ZNF628: variants seen among roughly 807,000 people sequenced by gnomAD.
The protein encoded by ZNF628 is zinc finger protein Zec.
A neutral mutation model predicts 2.5 loss-of-function variants in ZNF628; 3 were observed. The observed-to-expected ratio is 1.19, with a 90% CI of 0.54 to 3.07. The LOEUF (loss-of-function observed/expected upper bound fraction) is 3.07, where lower values mean the gene tolerates loss of function less well. Among genes scored for constraint, ZNF628 ranks in the 30% most tolerant of loss-of-function variants. The pLI, the probability that ZNF628 is intolerant of heterozygous loss-of-function variation, is 0.03. For missense variants in ZNF628, 1,610 were observed against 1,517.1 expected (o/e 1.06, Z -1.02); for synonymous variants, 861 against 717.1 (o/e 1.20, Z -3.21).
Position 55,483,392 on chromosome 19 carries a change from T to G in ZNF628, c.2199T>G (p.Pro733=). 3 of 1,533,528 alleles carry G rather than the reference T, an allele frequency of 2.0e-6. No individual in the cohort carries two copies. The highest frequency in any genetic ancestry group is 2.6e-6 in the Non-Finnish European group (3 of 1,141,776). The allele number at this position is 1,533,528 out of a possible 1,614,324, so 95.0% of individuals were successfully genotyped here. A position where few individuals can be genotyped will look rare whatever the true frequency, so the allele number is the denominator to read the frequency against. Residue 733 remains proline, a synonymous_variant, in exon 3 of 3, where the codon CCT becomes CCG. Transcript: ENST00000598519. The stretch of plus-strand genomic sequence containing the variant: ...CCAGCAGCGTGCAGCCCCCTACACC[T>G]CCGCCCCCTCCCGCACCTCCCAAGC... ...LIPSSVQPPT[P]PPPPAPPKLI... is the part of the protein sequence containing the mutation.
rs1329441445 is a variant in ZNF628 at position 55,482,075 on chromosome 19, G to A, written c.882G>A (p.Val294=). Residue 294 remains valine, a synonymous_variant, in exon 3 of 3, where the codon GTG becomes GTA. Coordinates refer to ENST00000598519, the MANE Select transcript of ZNF628 (RefSeq NM_033113.3). The part of the protein sequence containing the change: ...LAAAETTVEL[V]YRCDGCEQGF... The stretch of plus-strand genomic sequence containing the variant: ...CGGCGGAGACCACGGTGGAGCTGGT[G>A]TACCGCTGCGATGGCTGCGAGCAGG... 1.7e-5 allele frequency: 26 copies of A among 1,507,024 alleles called. No individual in the cohort carries two copies. Among genetic ancestry groups the A allele is most frequent in the Non-Finnish European group, 2.1e-5 (24 of 1,129,716 alleles). The allele number at this position is 1,507,024 out of a possible 1,614,324, so 93.4% of individuals were successfully genotyped here. A position where few individuals can be genotyped will look rare whatever the true frequency, so the allele number is the denominator to read the frequency against.
rs1419678406 is a variant in ZNF628, at chr19:55,481,309, G to A, written c.116G>A (p.Gly39Glu). The A allele has an allele frequency of 2.5e-6, 4 of 1,610,302 alleles. No individual in the cohort carries two copies. Among genetic ancestry groups the A allele is most frequent in the Non-Finnish European group, 3.4e-6 (4 of 1,178,990 alleles). The change falls in exon 3 of 3, where the codon GGG becomes GAG. Residue 39 changes from glycine (G) to glutamate (E), a missense_variant. Physicochemically the swap from Gly to Glu is moderately conservative, Grantham distance 98. Around this residue, in one of 5 missense-constraint regions of ZNF628, gnomAD observed 166 missense variants for 241.3 expected, o/e 0.69. Transcript: ENST00000598519. ...APAPAAQYEC[G>E]ECGKSFRWSS... ...GCCCCGGCGGCCCAGTACGAATGTG[G>A]GGAGTGTGGCAAGTCATTCCGGTGG...
At position 55,484,174 on chromosome 19, in the gene ZNF628, G is replaced by C. The variant is rs868731923; in HGVS notation, c.2981G>C (p.Gly994Ala). 4 of 1,557,908 alleles carry C rather than the reference G, an allele frequency of 2.6e-6. No individual in the cohort carries two copies. Among genetic ancestry groups the C allele is most frequent in the Non-Finnish European group, 3.5e-6 (4 of 1,152,098 alleles). ...ELLDSSNTGGGTATLQLLAPP... is the reference protein window; with the variant it reads ...ELLDSSNTGGATATLQLLAPP... ...CTGGACAGCAGCAACACTGGAGGAG[G>C]CACCGCCACGCTGCAGCTCCTGGCC... Residue 994 changes from glycine to alanine, a missense_variant, in exon 3 of 3, where the codon GGC becomes GCC. Gly to Ala is a moderately conservative substitution (Grantham distance 60). This residue lies in a region of ZNF628 where 712 missense variants were observed against 603.6 expected (regional missense o/e 1.18). Transcript: ENST00000598519.
At position 55,482,479 on chromosome 19, in the gene ZNF628, C is replaced by G. The variant is rs1441288637; in HGVS notation, c.1286C>G (p.Pro429Arg). 7.0e-7 allele frequency: 1 copy of G among 1,438,804 alleles called. No homozygotes were observed. Among genetic ancestry groups the G allele is most frequent in the South Asian group, 1.4e-5 (1 of 69,872 alleles). The allele number at this position is 1,438,804 out of a possible 1,614,324, so 89.1% of individuals were successfully genotyped here. A position where few individuals can be genotyped will look rare whatever the true frequency, so the allele number is the denominator to read the frequency against. ...GCTGAGGCTGCGGAGGTGACCTGCC[C>G]CCAGGAACCGCTGGCGCCTGCCGCC... is the stretch of plus-strand genomic sequence containing the variant. Reference protein sequence around the residue: ...PQAEAAEVTCPQEPLAPAAPV... With the variant: ...PQAEAAEVTCRQEPLAPAAPV... The change falls in exon 3 of 3, where the codon CCC (proline) becomes CGC (arginine). Residue 429 changes from proline (P) to arginine (R), a missense_variant. Transcript: ENST00000598519.
intron 2 of ZNF628, among the ~76,000 whole-genome samples, 154 bp downstream of exon 2, chr19:55,480,071 G>C (rs1292709771): frequency 3.3e-5 from 5 of 152,004 alleles, no homozygotes; most frequent in South Asian, 4.2e-4. Flanking sequence ...CGTTTGTGCA[G>C]GGTCGGGCAG....
Position 55,481,692 on chromosome 19 carries a change from C to A in ZNF628, c.499C>A (p.Arg167Ser). 1 of 1,613,174 alleles carries A rather than the reference C, an allele frequency of 6.2e-7. No homozygotes were observed. Among genetic ancestry groups the A allele is most frequent in the Non-Finnish European group, 8.5e-7 (1 of 1,179,608 alleles). The change falls in exon 3 of 3, where the codon CGC becomes AGC. Residue 167 changes from arginine (R) to serine (S), a missense_variant. Transcript: ENST00000598519. ...GAACTCGTCCAGCCTGCGGCGCCACCGCCACGTGCACACCGGCGAGCGGCC... is the reference window on the plus strand; with the variant it reads ...GAACTCGTCCAGCCTGCGGCGCCACAGCCACGTGCACACCGGCGAGCGGCC... Reference protein sequence around the residue: ...FKNSSSLRRHRHVHTGERPYT... With the variant: ...FKNSSSLRRHSHVHTGERPYT...
chr19:55,481,942 T>C lies in ZNF628; in HGVS notation c.749T>C (p.Phe250Ser). ...CAGTCCCGGGAGCCCGGCAAGGTCT[T>C]CGTGTGCGACGCCTACCTGCAGCGG... ...PPQSREPGKV[F>S]VCDAYLQRHL... is the part of the protein sequence containing the mutation. Residue 250 changes from phenylalanine to serine, a missense_variant, in exon 3 of 3, where the codon TTC becomes TCC. Transcript: ENST00000598519. 5.4e-6 allele frequency: 8 copies of C among 1,475,090 alleles called. No homozygotes were observed. The highest frequency in any genetic ancestry group is 7.1e-6 in the Non-Finnish European group (8 of 1,119,982). The allele number at this position is 1,475,090 out of a possible 1,614,324, so 91.4% of individuals were successfully genotyped here.
chr19:55,483,940 C>A lies in ZNF628; in HGVS notation c.2747C>A (p.Thr916Asn). The change falls in exon 3 of 3, where the codon ACT becomes AAT. Residue 916 changes from threonine to asparagine, a missense_variant. Around this residue, in one of 5 missense-constraint regions of ZNF628, gnomAD observed 712 missense variants for 603.6 expected, o/e 1.18. Transcript: ENST00000598519. ...GAGGCGGGGGATGGCGAGGCCAGCA[C>A]TGGTGTGGTCCAGGATGTCCTCTTT... ...PGEAGDGEAS[T>N]GVVQDVLFET... 6.4e-7 allele frequency: 1 copy of A among 1,573,694 alleles called. No homozygotes were observed.
Position 55,482,905 on chromosome 19 carries a change from G to A in ZNF628, c.1712G>A (p.Cys571Tyr). The change falls in exon 3 of 3, where the codon TGC becomes TAC. Residue 571 changes from cysteine to tyrosine, a missense_variant. Physicochemically the swap from Cys to Tyr is radical, Grantham distance 194. This residue lies in a region of ZNF628 where 651 missense variants were observed against 575.6 expected (regional missense o/e 1.13). Coordinates refer to ENST00000598519, the MANE Select transcript of ZNF628 (RefSeq NM_033113.3). ...TGERPHACGV[C>Y]GKSFAQTSNL... ...GAGAGGCCCCACGCCTGCGGTGTCTGCGGCAAGAGCTTCGCGCAGACCTCC... is the reference window on the plus strand; with the variant it reads ...GAGAGGCCCCACGCCTGCGGTGTCTACGGCAAGAGCTTCGCGCAGACCTCC... The A allele has an allele frequency of 6.2e-7, 1 of 1,607,762 alleles. No individual in the cohort carries two copies.
chr19:55,478,002 G>C (rs1441549354), intron 1 of ZNF628, among the ~76,000 whole-genome samples: 4 of 152,178 alleles, frequency 2.6e-5, no homozygotes. Flanking sequence ...TTCTCATCTG[G>C]GGGCAACGGT....
chr19:55,478,124 C>T (rs1025465270), intron 1 of ZNF628, among the ~76,000 whole-genome samples: 8 of 152,082 alleles, frequency 5.3e-5, no homozygotes, highest in Admixed American at 3.9e-4. Flanking sequence ...GGGTCGAGGC[C>T]GGGGGCCAGG....
Position 55,484,048 on chromosome 19 carries a change from A to G in ZNF628, c.2855A>G (p.Gln952Arg). Residue 952 changes from glutamine (Q) to arginine (R), a missense_variant, in exon 3 of 3, where the codon CAG (glutamine) becomes CGG (arginine). Physicochemically the swap from Gln to Arg is conservative, Grantham distance 43. Transcript: ENST00000598519. ...ADGEQTRLCV[Q>R]EVETLPPGLT... is the part of the protein sequence containing the mutation. The stretch of plus-strand genomic sequence containing the variant: ...GGCGAACAGACTCGACTCTGCGTAC[A>G]GGAGGTAGAAACACTTCCTCCTGGG... The G allele has an allele frequency of 6.3e-7, 1 of 1,594,348 alleles. No homozygotes were observed. Among genetic ancestry groups the G allele is most frequent in the Non-Finnish European group, 8.5e-7 (1 of 1,171,272 alleles).
rs747705606 is a variant in ZNF628 at position 55,483,983 on chromosome 19, C to T, written c.2790C>T (p.Asp930=). The change falls in exon 3 of 3, where the codon GAC becomes GAT. Residue 930 remains aspartate, a synonymous_variant. Coordinates refer to ENST00000598519, the MANE Select transcript of ZNF628 (RefSeq NM_033113.3). ...QDVLFETLQT[D]EGLQSVLVLS... is the part of the protein sequence containing the mutation. The stretch of plus-strand genomic sequence containing the variant: ...TCCTCTTTGAGACACTCCAGACGGA[C>T]GAGGGCTTGCAGAGCGTGCTGGTGC... 3 of 1,578,096 alleles carry T rather than the reference C, an allele frequency of 1.9e-6. No homozygotes were observed. Among genetic ancestry groups the T allele is most frequent in the Non-Finnish European group, 8.6e-7 (1 of 1,160,150 alleles).
At position 55,481,270 on chromosome 19, in the gene ZNF628, G is replaced by A; in HGVS notation, c.77G>A (p.Gly26Asp). ...GCGGAGGGGGCCGGGGAGAAGCCAG[G>A]CCCTGCGGCCCCTGCCCCGGCGGCC... The part of the protein sequence containing the change: ...STAEGAGEKP[G>D]PAAPAPAAQY... Residue 26 changes from glycine (G) to aspartate (D), a missense_variant, in exon 3 of 3, where the codon GGC becomes GAC. Gly to Asp is a moderately conservative substitution (Grantham distance 94, BLOSUM62 -1). Coordinates refer to ENST00000598519, the MANE Select transcript of ZNF628 (RefSeq NM_033113.3). 1 of 1,593,454 alleles carries A rather than the reference G, an allele frequency of 6.3e-7. No homozygotes were observed.
Position 55,484,127 on chromosome 19 carries a change from C to T in ZNF628, c.2934C>T (p.Arg978=). The change falls in exon 3 of 3, where the codon CGC becomes CGT. Residue 978 remains arginine, a synonymous_variant. Transcript: ENST00000598519. ...CCGGACAGAAACTCCTCATCATCCGCAGCGCCCCAGCCACTGAGCTGCTGG... is the reference window on the plus strand; with the variant it reads ...CCGGACAGAAACTCCTCATCATCCGTAGCGCCCCAGCCACTGAGCTGCTGG... The part of the protein sequence containing the change: ...GPPGQKLLII[R]SAPATELLDS... 6.3e-7 allele frequency: 1 copy of T among 1,587,446 alleles called. No homozygotes were observed. Among genetic ancestry groups the T allele is most frequent in the Non-Finnish European group, 8.6e-7 (1 of 1,169,128 alleles).
At position 55,482,043 on chromosome 19, in the gene ZNF628, T is replaced by C; in HGVS notation, c.850T>C (p.Leu284=). The C allele has an allele frequency of 6.7e-7, 1 of 1,482,772 alleles. No individual in the cohort carries two copies. The highest frequency in any genetic ancestry group is 2.9e-5 in the East Asian group (1 of 34,420). The allele number at this position is 1,482,772 out of a possible 1,614,324, so 91.9% of individuals were successfully genotyped here. ...PPPPVVPELF[L]AAAETTVELV... ...CCCGCCCGTGGTGCCTGAGCTCTTT[T>C]TGGCGGCGGCGGAGACCACGGTGGA... The change falls in exon 3 of 3, where the codon TTG becomes CTG. Residue 284 remains leucine, a synonymous_variant. Coordinates refer to ENST00000598519, the MANE Select transcript of ZNF628 (RefSeq NM_033113.3).
At chr19:55,478,231 A>G (rs1376032825) in intron 1 of ZNF628, among the ~76,000 whole-genome samples, 3 of 152,226 alleles carry the variant, frequency 2.0e-5, no homozygotes, top group Non-Finnish European at 2.9e-5. Context: ...ATCCTGGTAC[A>G]TTAGAAGGTG....
rs1294329939 is a variant in ZNF628, at chr19:55,483,183, G to T, written c.1990G>T (p.Ala664Ser). Residue 664 changes from alanine to serine, a missense_variant, in exon 3 of 3, where the codon GCT (alanine) becomes TCT (serine). By Grantham distance (99) the Ala-to-Ser change is moderately conservative (BLOSUM62 1). Transcript: ENST00000598519. ...TAPAAGPQPP[A>S]PLAAARAPPA... Reference sequence around the variant, plus strand: ...CCCTGCCGCCGGCCCCCAGCCCCCTGCTCCACTGGCTGCTGCGCGGGCCCC... The same window carrying T: ...CCCTGCCGCCGGCCCCCAGCCCCCTTCTCCACTGGCTGCTGCGCGGGCCCC... 3 of 1,549,168 alleles carry T rather than the reference G, an allele frequency of 1.9e-6. No homozygotes were observed. The highest frequency in any genetic ancestry group is 3.8e-5 in the Admixed American group (2 of 52,514).
Position 55,483,752 on chromosome 19 carries a change from G to T in ZNF628, c.2559G>T (p.Thr853=), listed in dbSNP as rs757029887. 2 of 1,612,834 alleles carry T rather than the reference G, an allele frequency of 1.2e-6. No individual in the cohort carries two copies. Among genetic ancestry groups the T allele is most frequent in the South Asian group, 1.1e-5 (1 of 90,990 alleles). Residue 853 remains threonine, a synonymous_variant, in exon 3 of 3, where the codon ACG becomes ACT. Coordinates refer to ENST00000598519, the MANE Select transcript of ZNF628 (RefSeq NM_033113.3). The part of the protein sequence containing the change: ...VQLQPAQEVT[T]VQLQPAQEVT... Reference sequence around the variant, plus strand: ...TCCAGCCAGCACAGGAAGTAACCACGGTCCAGCTCCAGCCAGCACAGGAGG... The same window carrying T: ...TCCAGCCAGCACAGGAAGTAACCACTGTCCAGCTCCAGCCAGCACAGGAGG...
Sources: gnomAD v4.1 joint callset for allele counts (sites outside exome capture counted in the v4.1 genomes callset) on GRCh38, gnomAD v4.1.1 for gene constraint, gnomAD v4.1.1 regional missense constraint, MANE v1.5 for transcripts, NCBI Gene and HGNC (gene_info 2026-07-23, HGNC 2026-07-21) for gene names.